MBNL2: variants seen among roughly 807,000 people sequenced by gnomAD.
MBNL2 encodes the protein muscleblind-like protein 2.
Under a neutral mutation model 41.9 loss-of-function variants are expected in MBNL2, and 17 were observed. The ratio of observed to expected loss-of-function variants is 0.41; its 90% CI spans 0.28 to 0.61. The LOEUF is 0.61. MBNL2 is among the 20% of genes least tolerant of loss of function. MBNL2 has a pLI of 0.35. For missense variants in MBNL2, 336 were observed against 505.6 expected, an observed-to-expected ratio of 0.66 and a Z score of 3.22; for synonymous variants, 195 against 182.9, an observed-to-expected ratio of 1.07 and a Z score of -0.53.
At chr13:97,299,310 T>C (rs1188627292) in intron 2 of MBNL2, among the ~76,000 whole-genome samples, 6 of 152,188 alleles carry the variant, frequency 3.9e-5, no homozygotes, top group Non-Finnish European at 8.8e-5. Context: ...TAGTGCATGA[T>C]AGTGTGTAAA....
At chr13:97,196,184 G>A in the MBNL2 span, among the ~76,000 whole-genome samples, 2 of 152,152 alleles carry the variant, frequency 1.3e-5, no homozygotes, top group African/African-American at 4.8e-5. Flanking sequence ...AGAAATTACT[G>A]TTGAGAGACT....
Position 97,345,462 on chromosome 13 carries a change from T to C in MBNL2, c.541-1342T>C, listed in dbSNP as rs562946102. On this transcript the variant is annotated intron_variant, in intron 4 of 8. Transcript: ENST00000679496. Reference sequence around the variant, plus strand: ...ATTTTTTCATACAGTAAAATCTTGATCCACCAGAATTCTCAGGGGATAGAG... The same window carrying C: ...ATTTTTTCATACAGTAAAATCTTGACCCACCAGAATTCTCAGGGGATAGAG... Among the ~76,000 whole-genome samples, 609 of 152,340 alleles carry C rather than the reference T, an allele frequency of 4.0e-3. 6 individuals are homozygous for C. The highest frequency in any genetic ancestry group is 0.013 in the African/African-American group (548 of 41,570).
the MBNL2 span, among the ~76,000 whole-genome samples, chr13:97,166,841 A>AGATAGATAGAAAGAAAGAAAGAAAGAT: frequency 8.8e-6 from 1 of 114,260 alleles, no homozygotes; most frequent in Non-Finnish European, 1.8e-5. Flanking sequence ...GATAGATAGA[A>AGATAGATAGAAAGAAAGAAAGAAAGAT]AGATAGATAG....
intron 1 of MBNL2, among the ~76,000 whole-genome samples, chr13:97,233,053 G>C (rs1293009332): frequency 1.4e-5 from 2 of 145,340 alleles, no homozygotes; most frequent in Non-Finnish European, 3.0e-5. Flanking sequence ...AATTCTTAGA[G>C]ATCCCTTTTT....
chr13:97,291,693 G>A (rs550202912), intron 2 of MBNL2, among the ~76,000 whole-genome samples: 2 of 151,064 alleles, frequency 1.3e-5, no homozygotes, highest in African/African-American at 4.9e-5. Flanking sequence ...TCAGGAGTTC[G>A]AGGCCAGCCC....
At chr13:97,321,776 G>C (rs2059523501) in intron 2 of MBNL2, among the ~76,000 whole-genome samples, 1 of 152,198 alleles carries the variant, frequency 6.6e-6, no homozygotes, top group Non-Finnish European at 1.5e-5. Context: ...CTTAAAAGCA[G>C]CTCTGGGTAG....
At chr13:97,173,058 A>G in the MBNL2 span, among the ~76,000 whole-genome samples, 9 of 152,334 alleles carry the variant, frequency 5.9e-5, 1 homozygote, top group East Asian at 1.7e-3. Context: ...AGTATGGAAG[A>G]AAAGTGAGGA....
intron 5 of MBNL2, among the ~76,000 whole-genome samples, chr13:97,354,722 TTTG>T (rs2062835368): frequency 7.2e-5 from 11 of 152,266 alleles, no homozygotes; most frequent in Admixed American, 5.9e-4. Flanking sequence ...TAAATGATTC[TTTG>T]TTAAGTCAAA....
the MBNL2 span, among the ~76,000 whole-genome samples, chr13:97,211,009 G>A: frequency 1.3e-5 from 2 of 151,982 alleles, no homozygotes; most frequent in Non-Finnish European, 2.9e-5. Context: ...GCAGGGGTTG[G>A]GTGGGGTGAG....
At chr13:97,173,772 AC>A in the MBNL2 span, among the ~76,000 whole-genome samples, 2 of 152,126 alleles carry the variant, frequency 1.3e-5, no homozygotes, top group Admixed American at 1.3e-4. Flanking sequence ...ATGCTAGCTA[AC>A]CCATCACCTG....
chr13:97,372,215 C>A (rs1441376200), intron 8 of MBNL2, among the ~76,000 whole-genome samples: 1 of 152,238 alleles, frequency 6.6e-6, no homozygotes, highest in East Asian at 1.9e-4. Flanking sequence ...TAGAAGCTAA[C>A]GAAATCAGAT....
At chr13:97,324,303 T>C (rs1010701673) in intron 2 of MBNL2, among the ~76,000 whole-genome samples, 7 of 152,130 alleles carry the variant, frequency 4.6e-5, no homozygotes, top group African/African-American at 1.7e-4. Context: ...TACATATTTG[T>C]TGAAGGAAGG....
chr13:97,188,183 G>A, the MBNL2 span, among the ~76,000 whole-genome samples: 4 of 152,102 alleles, frequency 2.6e-5, no homozygotes, highest in African/African-American at 9.7e-5. Flanking sequence ...CTCAGCTGAA[G>A]CCATTACCAA....
chr13:97,256,051 TTGG>T (rs1411716372), intron 1 of MBNL2, among the ~76,000 whole-genome samples: 1 of 152,212 alleles, frequency 6.6e-6, no homozygotes, highest in Non-Finnish European at 1.5e-5. Flanking sequence ...TGAAAGATTC[TTGG>T]TGGAGAATTT....
At chr13:97,264,057 C>T (rs1191097806) in intron 1 of MBNL2, among the ~76,000 whole-genome samples, 16 of 148,718 alleles carry the variant, frequency 1.1e-4, no homozygotes, top group South Asian at 8.6e-4. Flanking sequence ...GTCACCCAGG[C>T]GGGAGTGCAC....
At chr13:97,339,465 T>C (rs908586922) in intron 3 of MBNL2, among the ~76,000 whole-genome samples, 2 of 152,134 alleles carry the variant, frequency 1.3e-5, no homozygotes, top group African/African-American at 4.8e-5. Context: ...TCCTCTGGCC[T>C]TTTTAGCTGT....
upstream of MBNL2, among the ~76,000 whole-genome samples, chr13:97,218,907 AGAGTCAATTGTGACTTCT>A (rs2040635657): frequency 6.6e-6 from 1 of 151,584 alleles, no homozygotes; most frequent in South Asian, 2.1e-4. Flanking sequence ...TAGATGTTAG[AGAGTCAATTGTGACTTCT>A]GAGGCCAACA....
chr13:97,244,217 C>A (rs2152819919), intron 1 of MBNL2, among the ~76,000 whole-genome samples: 1 of 152,266 alleles, frequency 6.6e-6, no homozygotes, highest in Middle Eastern at 3.4e-3. Flanking sequence ...TTATCACACA[C>A]CAACGATAAA....
chr13:97,200,178 C>G, the MBNL2 span, among the ~76,000 whole-genome samples: 1 of 152,214 alleles, frequency 6.6e-6, no homozygotes, highest in Non-Finnish European at 1.5e-5. Context: ...CCTTTCAGCA[C>G]AGAGCTGCAC....
Sources: allele counts gnomAD v4.1 joint callset (sites outside exome capture counted in the v4.1 genomes callset), GRCh38; gene constraint gnomAD v4.1.1; transcripts MANE v1.5; gene names NCBI Gene and HGNC (gene_info 2026-07-23, HGNC 2026-07-21).